The following FGF14 variants were observed in gnomAD, a reference collection of about 807,000 sequenced individuals.
FGF14 encodes fibroblast growth factor 14.
In FGF14, 5 loss-of-function variants were observed where a neutral mutation model predicts 25.5. The ratio of observed to expected loss-of-function variants is 0.20; its 90% confidence interval spans 0.10 to 0.41. The LOEUF (loss-of-function observed/expected upper bound fraction) is 0.41. Among genes scored for constraint, FGF14 ranks in the 10% least tolerant of loss-of-function variants. The pLI is 1.00. For synonymous variants in FGF14, 138 were observed against 118.3 expected (o/e 1.17, Z -1.08); for missense variants, 222 against 320.1 (o/e 0.69, Z 2.34).
chr13:101,822,908 G>C (rs2042225517), intron 3 of FGF14, among the ~76,000 whole-genome samples: 1 of 151,996 alleles, frequency 6.6e-6, no homozygotes, highest in African/African-American at 2.4e-5. Flanking sequence ...CCAGCCACTG[G>C]TAACCATCAT....
At chr13:102,345,774 C>T (rs2057088344) in intron 1 of FGF14, among the ~76,000 whole-genome samples, 1 of 152,152 alleles carries the variant, frequency 6.6e-6, no homozygotes, top group Admixed American at 6.5e-5. Flanking sequence ...TGTAAGAATG[C>T]AACAAAGATT....
At chr13:101,883,659 A>G (rs183047835) in intron 1 of FGF14, among the ~76,000 whole-genome samples, 2 of 152,230 alleles carry the variant, frequency 1.3e-5, no homozygotes, top group African/African-American at 4.8e-5. Context: ...TTTCCTGAGC[A>G]TACACTTTGG....
chr13:101,891,165 T>C (rs2046249812), intron 1 of FGF14, among the ~76,000 whole-genome samples: 1 of 151,974 alleles, frequency 6.6e-6, no homozygotes, highest in Non-Finnish European at 1.5e-5. Flanking sequence ...TACAGAGAGG[T>C]GAGTATTTTG....
intron 1 of FGF14, among the ~76,000 whole-genome samples, chr13:102,366,954 A>C (rs1038617395): frequency 6.6e-6 from 1 of 152,208 alleles, no homozygotes; most frequent in African/African-American, 2.4e-5. Context: ...TTACTTTCTC[A>C]TTTAGCTAAC....
At chr13:102,346,125 T>C (rs1436083897) in intron 1 of FGF14, among the ~76,000 whole-genome samples, 16 of 152,168 alleles carry the variant, frequency 1.1e-4, no homozygotes, top group Non-Finnish European at 1.9e-4. Flanking sequence ...AATCCTGAAG[T>C]ATTTTGGTTG....
intron 1 of FGF14, among the ~76,000 whole-genome samples, chr13:101,965,655 C>T (rs17687810): frequency 0.17 from 25,307 of 147,956 alleles, 2,503 homozygotes; most frequent in Admixed American, 0.31. Context: ...ATGTGAGATC[C>T]TAAAAAGGAT....
chr13:102,121,775 T>C (rs895154394), intron 1 of FGF14, among the ~76,000 whole-genome samples: 14 of 152,198 alleles, frequency 9.2e-5, no homozygotes, highest in Admixed American at 9.2e-4. Flanking sequence ...ATCGAGTGTG[T>C]TCTGAACAAA....
intron 1 of FGF14, among the ~76,000 whole-genome samples, chr13:102,038,546 A>G (rs1273379937): frequency 6.6e-6 from 1 of 152,180 alleles, no homozygotes; most frequent in Non-Finnish European, 1.5e-5. Flanking sequence ...ATCATGAATA[A>G]CTTGTTTTCA....
At chr13:102,401,365 G>GT in intron 1 of FGF14, 2 of 1,039,864 alleles carry the variant, frequency 1.9e-6, no homozygotes, top group Non-Finnish European at 3.0e-6. Flanking sequence ...CTGGTTCCTG[G>GT]TATGTTTCCC....
intron 1 of FGF14, among the ~76,000 whole-genome samples, chr13:101,912,309 G>A (rs1217955827): frequency 1.3e-5 from 2 of 152,210 alleles, no homozygotes; most frequent in South Asian, 2.1e-4. Flanking sequence ...AAGCATACAT[G>A]GCACATAATA....
intron 1 of FGF14, among the ~76,000 whole-genome samples, chr13:102,206,172 T>C (rs2049914647): frequency 6.6e-6 from 1 of 151,742 alleles, no homozygotes; most frequent in South Asian, 2.1e-4. Flanking sequence ...TATTTGTTTT[T>C]TCAGAGGACC....
intron 3 of FGF14, among the ~76,000 whole-genome samples, chr13:101,769,364 A>T (rs1385434552): frequency 6.6e-6 from 1 of 151,818 alleles, no homozygotes; most frequent in Non-Finnish European, 1.5e-5. Context: ...TAAAAAAAAA[A>T]TGGTACAACC....
intron 1 of FGF14, among the ~76,000 whole-genome samples, chr13:102,189,518 C>A (rs1483889981): frequency 6.6e-6 from 1 of 152,068 alleles, no homozygotes; most frequent in Non-Finnish European, 1.5e-5. Flanking sequence ...GAATCCCTTA[C>A]AACATTTAGG....
chr13:101,920,619 G>T (rs927774666), upstream of FGF14, among the ~76,000 whole-genome samples: 1 of 151,990 alleles, frequency 6.6e-6, no homozygotes, highest in South Asian at 2.1e-4. Context: ...AAATTCTTTT[G>T]CAGTTTCCAT....
At position 102,247,744 on chromosome 13, in the gene FGF14, T is replaced by C. The variant is rs371251456; in HGVS notation, c.208+153727A>G. ...CTCAGCAATCTCATTACTGGGTATATACCCAAAGGAAAATACATCGCTCTA... is the reference window on the plus strand; with the variant it reads ...CTCAGCAATCTCATTACTGGGTATACACCCAAAGGAAAATACATCGCTCTA... On this transcript the variant is annotated intron_variant, in intron 1 of 4. Coordinates refer to the FGF14 transcript ENST00000376131. Among the ~76,000 whole-genome samples the C allele has an allele frequency of 2.0e-5, 3 of 152,238 alleles. No homozygotes were observed. In the East Asian group the frequency reaches 5.8e-4, roughly 29 times the overall value.
At chr13:102,061,053 GAGA>G (rs1405912312) in intron 1 of FGF14, among the ~76,000 whole-genome samples, 3 of 152,178 alleles carry the variant, frequency 2.0e-5, no homozygotes, top group Admixed American at 6.5e-5. Context: ...CGGACTCCAG[GAGA>G]AGAACACCTT....
intron 1 of FGF14, among the ~76,000 whole-genome samples, chr13:102,316,485 G>T (rs1298195232): frequency 6.6e-6 from 1 of 152,140 alleles, no homozygotes; most frequent in Non-Finnish European, 1.5e-5. Flanking sequence ...ATTTTTAAAA[G>T]GGAGGATATC....
chr13:101,896,268 G>A lies in FGF14; in HGVS notation c.193+20185C>T, dbSNP rs139678940. On this transcript the variant is annotated intron_variant, in intron 1 of 4. Coordinates refer to ENST00000376143, the MANE Select transcript of FGF14 (RefSeq NM_004115.4). ...TGCCTTTTTCTTGCCCCAAATCAAC[G>A]CTTCCCATACCACCAAGGACAGTTT... 8.0e-4 allele frequency among the ~76,000 whole-genome samples: 121 copies of A among 152,070 alleles called. No individual in the cohort carries two copies. The East Asian group carries it at 0.017, about 21-fold the overall frequency.
At chr13:101,936,310 C>T (rs947758791) in intron 1 of FGF14, among the ~76,000 whole-genome samples, 2 of 152,318 alleles carry the variant, frequency 1.3e-5, no homozygotes, top group South Asian at 2.1e-4. Flanking sequence ...TAGTGATTTA[C>T]TGAGAAGCGC....
Sources: allele counts gnomAD v4.1 joint callset (sites outside exome capture counted in the v4.1 genomes callset), GRCh38; gene constraint gnomAD v4.1.1; transcripts MANE v1.5; gene names NCBI Gene and HGNC (gene_info 2026-07-23, HGNC 2026-07-21).